The following TET1 variants were observed in gnomAD, a reference collection of about 807,000 sequenced individuals.
TET1 encodes the protein methylcytosine dioxygenase TET1.
TET1 carries 13 observed loss-of-function variants against 148.7 expected under a neutral mutation model. The ratio of observed to expected loss-of-function variants is 0.09; its 90% CI spans 0.06 to 0.14. The LOEUF is 0.14. Among genes scored for constraint, TET1 ranks in the 10% least tolerant of loss-of-function variants. The pLI, the probability that TET1 is intolerant of heterozygous loss-of-function variation, is 1.00. For missense variants in TET1, 2,182 were observed against 2,553.8 expected (o/e 0.85, Z 3.14); for synonymous variants, 907 against 937.2 (o/e 0.97, Z 0.59).
intron 3 of TET1, among the ~76,000 whole-genome samples, chr10:68,607,923 G>T (rs1218478662): frequency 6.6e-6 from 1 of 151,046 alleles, no homozygotes; most frequent in East Asian, 1.9e-4. Flanking sequence ...GTGGGTAACA[G>T]AGGTAACAGT....
rs1305991591 is a variant in TET1 at position 68,584,592 on chromosome 10, C to T, written c.1914+10340C>T. Among the ~76,000 whole-genome samples, 542 of 150,908 alleles carry T rather than the reference C, an allele frequency of 3.6e-3. 2 individuals carry two copies. The highest frequency in any genetic ancestry group is 0.013 in the African/African-American group (526 of 41,214). The stretch of plus-strand genomic sequence containing the variant: ...GGCGTGGTGGCATGCACCTGTAATC[C>T]CAGCTATGAGGGAGGCTGAGGCAGG... On this transcript the variant is annotated intron_variant, in intron 2 of 11. Transcript: ENST00000373644.
At chr10:68,671,838 T>G (rs1263754305) in intron 7 of TET1, among the ~76,000 whole-genome samples, 2 of 152,156 alleles carry the variant, frequency 1.3e-5, no homozygotes, top group Non-Finnish European at 2.9e-5. Context: ...TGGAGTGCCA[T>G]GGCACGATCT....
At chr10:68,599,031 G>A (rs115431776) in intron 2 of TET1, among the ~76,000 whole-genome samples, 90 of 152,184 alleles carry the variant, frequency 5.9e-4, no homozygotes, top group African/African-American at 2.1e-3. Flanking sequence ...GTGGGTGAGG[G>A]GTGGGTGAGT....
intron 4 of TET1, among the ~76,000 whole-genome samples, chr10:68,651,087 A>G (rs2054925314): frequency 6.6e-6 from 1 of 152,192 alleles, no homozygotes; most frequent in Non-Finnish European, 1.5e-5. Flanking sequence ...ACCACATGTT[A>G]TTGACAGATG....
chr10:68,672,880 A>G lies in TET1; in HGVS notation c.4674-15A>G, dbSNP rs777421923. 1.1e-5 allele frequency: 18 copies of G among 1,596,498 alleles called. No homozygotes were observed. The highest frequency in any genetic ancestry group is 1.5e-5 in the Non-Finnish European group (17 of 1,168,408). On this transcript the variant is annotated splice_polypyrimidine_tract_variant and intron_variant, in intron 7 of 11. Coordinates refer to ENST00000373644, the MANE Select transcript of TET1 (RefSeq NM_030625.3). Reference sequence around the variant, plus strand: ...ATGCTTCATCAATTCACTCTCTTGAATTACAATCTTACAGTCGTACCTGTA... The same window carrying G: ...ATGCTTCATCAATTCACTCTCTTGAGTTACAATCTTACAGTCGTACCTGTA...
chr10:68,578,311 T>C (rs2053755287), intron 2 of TET1, among the ~76,000 whole-genome samples: 1 of 152,162 alleles, frequency 6.6e-6, no homozygotes, highest in Non-Finnish European at 1.5e-5. Context: ...CAGGCTGGAG[T>C]GCAGTGGCGT....
chr10:68,571,014 G>A (rs1223445179), intron 1 of TET1, among the ~76,000 whole-genome samples: 1 of 146,260 alleles, frequency 6.8e-6, no homozygotes, highest in African/African-American at 2.5e-5. Flanking sequence ...TTTCTGAGAT[G>A]GAGTCTCGCT....
chr10:68,592,136 G>A (rs1289764440), intron 2 of TET1, among the ~76,000 whole-genome samples: 2 of 151,860 alleles, frequency 1.3e-5, no homozygotes, highest in African/African-American at 4.8e-5. Context: ...TGACCAACAT[G>A]GTGAAACCTT....
intron 1 of TET1, among the ~76,000 whole-genome samples, chr10:68,565,494 A>G (rs2133665130): frequency 9.8e-6 from 1 of 101,960 alleles, no homozygotes; most frequent in African/African-American, 3.3e-5. Context: ...ATATATATAT[A>G]TATATGCACA....
At chr10:68,588,389 A>G (rs1362648735) in intron 2 of TET1, among the ~76,000 whole-genome samples, 1 of 152,224 alleles carries the variant, frequency 6.6e-6, no homozygotes, top group Non-Finnish European at 1.5e-5. Flanking sequence ...GCTTTAATTT[A>G]TAAAGTAAGA....
At chr10:68,614,610 AG>A (rs1314388488) in intron 3 of TET1, among the ~76,000 whole-genome samples, 1 of 152,104 alleles carries the variant, frequency 6.6e-6, no homozygotes, top group Admixed American at 6.6e-5. Context: ...TTCACCTCTT[AG>A]GTTCAAGCGA....
intron 10 of TET1, among the ~76,000 whole-genome samples, chr10:68,685,763 G>A (rs2055500109): frequency 6.6e-6 from 1 of 151,820 alleles, no homozygotes; most frequent in East Asian, 1.9e-4. Context: ...TCCAAAGAAA[G>A]GCAAATTTAT....
chr10:68,678,611 A>G (rs2055394919), intron 8 of TET1, among the ~76,000 whole-genome samples: 1 of 151,926 alleles, frequency 6.6e-6, no homozygotes, highest in South Asian at 2.1e-4. Flanking sequence ...TTAGCCGGGC[A>G]TGGTGGCGGG....
At chr10:68,633,785 T>C (rs910489667) in intron 3 of TET1, among the ~76,000 whole-genome samples, 1 of 152,038 alleles carries the variant, frequency 6.6e-6, no homozygotes, top group Non-Finnish European at 1.5e-5. Flanking sequence ...CTCCCAGTTA[T>C]ATGAAAGTAT....
chr10:68,561,928 C>T (rs1293800339), intron 1 of TET1, among the ~76,000 whole-genome samples: 1 of 152,208 alleles, frequency 6.6e-6, no homozygotes, highest in Admixed American at 6.5e-5. Context: ...CCAACTCGTC[C>T]CTCTCCCAAA....
At chr10:68,615,112 T>G (rs2054269951) in intron 3 of TET1, among the ~76,000 whole-genome samples, 1 of 151,864 alleles carries the variant, frequency 6.6e-6, no homozygotes, top group South Asian at 2.1e-4. Context: ...TTTTTGTATT[T>G]TTAGTAGAGA....
chr10:68,688,287 G>A (rs149697849), intron 11 of TET1, among the ~76,000 whole-genome samples: 2,589 of 151,118 alleles, frequency 0.017, 62 homozygotes, highest in African/African-American at 0.059. Flanking sequence ...TAGTTGAGAC[G>A]GAGTTTCACC....
At chr10:68,632,720 G>A (rs151029609) in intron 3 of TET1, 5 of 1,607,834 alleles carry the variant, frequency 3.1e-6, no homozygotes, top group Middle Eastern at 1.7e-4. Flanking sequence ...GGCGGCAGCA[G>A]CAATTGAACA....
chr10:68,608,800 T>C (rs1477810687), intron 3 of TET1, among the ~76,000 whole-genome samples: 2 of 152,204 alleles, frequency 1.3e-5, no homozygotes, highest in Middle Eastern at 3.2e-3. Context: ...CCTCCCAATG[T>C]GTTGGGATTA....
Sources: gnomAD v4.1 joint callset for allele counts (sites outside exome capture counted in the v4.1 genomes callset) on GRCh38, gnomAD v4.1.1 for gene constraint, MANE v1.5 for transcripts, NCBI Gene and HGNC (gene_info 2026-07-23, HGNC 2026-07-21) for gene names.